Variants in MED12 observed in about 807,000 individuals in gnomAD.
The protein encoded by MED12 is mediator complex subunit 12.
A neutral mutation model predicts 177.7 loss-of-function variants in MED12; 10 were observed. The observed-to-expected ratio is 0.06, with a 90% confidence interval of 0.03 to 0.10. MED12 has a LOEUF of 0.10. MED12 is among the 10% of genes least tolerant of loss of function. The pLI is 1.00. For missense variants in MED12, 867 were observed against 1,780.8 expected (o/e 0.49, Z 9.23); for synonymous variants, 641 against 678.4 (o/e 0.94, Z 0.86).
At chrX:71,137,687 A>G (rs772822551) in intron 40 of MED12, 39 bp from the exon 41 acceptor site, 2 of 1,202,550 alleles carry the variant, frequency 1.7e-6, no homozygotes, top group African/African-American at 1.8e-5. Flanking sequence ...TGCTCTGCAT[A>G]CTCTCGGCCC....
At chrX:71,132,714 G>T (rs1451743264) in intron 31 of MED12, 131 bp from the exon 32 acceptor site, 27 of 841,568 alleles carry the variant, frequency 3.2e-5, no homozygotes, top group Non-Finnish European at 4.4e-5. Context: ...GGAGAATGAG[G>T]TTGGAAGTTG....
Position 71,132,115 on chromosome X carries a change from G to A in MED12, c.4162G>A (p.Glu1388Lys), listed in dbSNP as rs1163428030. 2 of 1,210,410 alleles carry A rather than the reference G, an allele frequency of 1.7e-6. No homozygotes were observed. The highest frequency in any genetic ancestry group is 2.2e-5 in the Admixed American group (1 of 46,031). ...GGAGAACATCGCCAAGGCCACAATC[G>A]AGGTTTTCCAACAGTCAGCAGAGAC... The part of the protein sequence containing the change: ...LLENIAKATI[E>K]VFQQSAETGS... Residue 1388 changes from glutamate to lysine, a missense_variant, in exon 30 of 45, where the codon GAG becomes AAG. By Grantham distance (56) the Glu-to-Lys change is moderately conservative. Around this residue, in one of 14 missense-constraint regions of MED12, gnomAD observed 46 missense variants for 71.7 expected, o/e 0.64. Transcript: ENST00000374080.
rs756908016 is a variant in MED12 at position 71,125,700 on chromosome X, C to G, written c.2409C>G (p.Asp803Glu). 6.0e-6 allele frequency: 7 copies of G among 1,174,649 alleles called. No homozygotes were observed. The highest frequency in any genetic ancestry group is 2.4e-4 in the Middle Eastern group (1 of 4,221). ...CTATTGTGCCTCTGAATCCTGGAGACCTGACATTCTTAGGTACCTCACAGT... is the reference window on the plus strand; with the variant it reads ...CTATTGTGCCTCTGAATCCTGGAGAGCTGACATTCTTAGGTACCTCACAGT... ...LAPIVPLNPGDLTFLGGEDGQ... is the reference protein window; with the variant it reads ...LAPIVPLNPGELTFLGGEDGQ... The change falls in exon 17 of 45, where the codon GAC becomes GAG. Residue 803 changes from aspartate (D) to glutamate (E), a missense_variant. This residue lies in a region of MED12 where 309 missense variants were observed against 556.3 expected (regional missense o/e 0.56). Coordinates refer to ENST00000374080, the MANE Select transcript of MED12 (RefSeq NM_005120.3).
In MED12 at chrX:71,141,333, C is replaced by T. The variant is rs1319238587; in HGVS notation, c.6371C>T (p.Ala2124Val). ...QQHQQQQQQQ[A>V]APPQPQPQSQ... ...CACCAGCAGCAACAGCAGCAACAGGCGGCTCCTCCCCAACCCCAGCCCCAG... is the reference window on the plus strand; with the variant it reads ...CACCAGCAGCAACAGCAGCAACAGGTGGCTCCTCCCCAACCCCAGCCCCAG... Residue 2124 changes from alanine (A) to valine (V), a missense_variant, in exon 43 of 45, where the codon GCG becomes GTG. This residue lies in a region of MED12 where 236 missense variants were observed against 345.2 expected (regional missense o/e 0.68). Coordinates refer to ENST00000374080, the MANE Select transcript of MED12 (RefSeq NM_005120.3). The T allele has an allele frequency of 5.2e-6, 6 of 1,148,729 alleles. No homozygotes were observed. Among genetic ancestry groups the T allele is most frequent in the Non-Finnish European group, 7.0e-6 (6 of 862,306 alleles). 94.7% of individuals were successfully genotyped at this position (1,148,729 alleles called of 1,213,427 possible). A position where few individuals can be genotyped will look rare whatever the true frequency, so the allele number is the denominator to read the frequency against.
At position 71,126,145 on chromosome X, in the gene MED12, C is replaced by G. The variant is rs1269805533; in HGVS notation, c.2532C>G (p.Val844=). The stretch of plus-strand genomic sequence containing the variant: ...TTTCACATTATGACCAACACCAGGT[C>G]ACGGCTCAGGTGTGGGCCTAAGCCC... ...QHLSHYDQHQ[V]TAQVSRNVLE... The change falls in exon 18 of 45, where the codon GTC becomes GTG. Residue 844 remains valine (V), a synonymous_variant. Transcript: ENST00000374080. The G allele has an allele frequency of 1.7e-6, 2 of 1,204,611 alleles. No individual in the cohort carries two copies. Among genetic ancestry groups the G allele is most frequent in the African/African-American group, 3.5e-5 (2 of 57,730 alleles).
chrX:71,122,710 A>C lies in MED12; in HGVS notation c.1349-28A>C, dbSNP rs1303358265. On this transcript the variant is annotated intron_variant, in intron 9 of 44. Transcript: ENST00000374080. ...CCAGAATGCACCGGGCCTCTGGTTC[A>C]GTCCCCTTTACCACTTTTCCTCCTT... is the stretch of plus-strand genomic sequence containing the variant. 3 of 1,209,826 alleles carry C rather than the reference A, an allele frequency of 2.5e-6. No homozygotes were observed. The African/African-American group carries it at 5.2e-5, about 21-fold the overall frequency.
rs368353373 is a variant in MED12, at chrX:71,123,725, G to T, written c.1744+5G>T. The stretch of plus-strand genomic sequence containing the variant: ...ATACACAGGCTCCCATGCTGAGTAC[G>T]GACCCCTACCACTCTCTAGTTACCT... On this transcript the variant is annotated splice_donor_5th_base_variant and intron_variant, in intron 12 of 44. Coordinates refer to ENST00000374080, the MANE Select transcript of MED12 (RefSeq NM_005120.3). 3 of 1,186,719 alleles carry T rather than the reference G, an allele frequency of 2.5e-6. No homozygotes were observed. The highest frequency in any genetic ancestry group is 3.4e-6 in the Non-Finnish European group (3 of 882,635).
rs763649926 is a variant in MED12 at position 71,128,868 on chromosome X, A to G, written c.3475+150A>G. 1.1e-4 allele frequency: 85 copies of G among 739,655 alleles called. 1 individual carries two copies. The South Asian group carries it at 1.9e-3, about 16-fold the overall frequency. The allele number at this position is 739,655 out of a possible 1,213,427, so 61.0% of individuals were successfully genotyped here. ...CCAGTCCTTTGGTATGCTGAAGGCT[A>G]GAAGAAACCTGTTTTTTAGCCCTGG... On this transcript the variant is annotated intron_variant, in intron 24 of 44. Transcript: ENST00000374080.
In MED12 at chrX:71,128,609, A is replaced by G. The variant is rs1423411962; in HGVS notation, c.3366A>G (p.Leu1122=). Residue 1122 remains leucine (L), a synonymous_variant, in exon 24 of 45, where the codon CTA becomes CTG. Transcript: ENST00000374080. ...GTTTTTTCCTCCAGGTCAGTGACCT[A>G]TCTTTTCATGACTCGCTGGCTACTT... ...DLLCNVDVSD[L]SFHDSLATFV... 3 of 1,211,207 alleles carry G rather than the reference A, an allele frequency of 2.5e-6. No individual in the cohort carries two copies. The highest frequency in any genetic ancestry group is 1.1e-6 in the Non-Finnish European group (1 of 895,447).
At chrX:71,119,070 G>A (rs867949754) in intron 1 of MED12, among the ~76,000 whole-genome samples, 11 of 109,894 alleles carry the variant, frequency 1.0e-4, no homozygotes, top group Admixed American at 1.9e-4. Flanking sequence ...CACCAGAGGC[G>A]CCCTCCTCCA....
Position 71,127,086 on chromosome X carries a change from G to A in MED12, c.2803G>A (p.Ala935Thr). ...CGTGGCTGTCCTGCGGCACTATCATGCCTGCCTCATCCTCAACCAGGACCA... is the reference window on the plus strand; with the variant it reads ...CGTGGCTGTCCTGCGGCACTATCATACCTGCCTCATCCTCAACCAGGACCA... ...CIVAVLRHYH[A>T]CLILNQDQMA... The change falls in exon 20 of 45, where the codon GCC (alanine) becomes ACC (threonine). Residue 935 changes from alanine (A) to threonine (T), a missense_variant. By Grantham distance (58) the Ala-to-Thr change is moderately conservative. This residue lies in a region of MED12 where 70 missense variants were observed against 143.6 expected (regional missense o/e 0.49). Transcript: ENST00000374080. 7 of 1,211,681 alleles carry A rather than the reference G, an allele frequency of 5.8e-6. No homozygotes were observed. The highest frequency in any genetic ancestry group is 6.7e-6 in the Non-Finnish European group (6 of 895,408).
rs868020528 is a variant in MED12, at chrX:71,121,702, C to T, written c.987C>T (p.Pro329=). 7.4e-6 allele frequency: 9 copies of T among 1,211,497 alleles called. No homozygotes were observed. In the Middle Eastern group the frequency reaches 1.4e-3, roughly 185 times the overall value. ...CTGCTCAGTCAACAAGCACGCTACCCACCACCCCTGCTCCTCAGCCCCCAA... is the reference window on the plus strand; with the variant it reads ...CTGCTCAGTCAACAAGCACGCTACCTACCACCCCTGCTCCTCAGCCCCCAA... The part of the protein sequence containing the change: ...VISAQSTSTL[P]TTPAPQPPTS... The change falls in exon 7 of 45, where the codon CCC becomes CCT. Residue 329 remains proline (P), a synonymous_variant. Coordinates refer to ENST00000374080, the MANE Select transcript of MED12 (RefSeq NM_005120.3).
rs1376854787 is a variant in MED12, at chrX:71,129,326, A to G, written c.3588A>G (p.Thr1196=). The G allele has an allele frequency of 8.3e-7, 1 of 1,204,734 alleles. No homozygotes were observed. The highest frequency in any genetic ancestry group is 1.1e-6 in the Non-Finnish European group (1 of 889,110). ...NPCQSDGNKP[T]VGIRSSCDRH... ...CATCGCCTTCCCCAGACAAGCCTACAGTAGGAATCCGCTCCTCCTGCGACC... is the reference window on the plus strand; with the variant it reads ...CATCGCCTTCCCCAGACAAGCCTACGGTAGGAATCCGCTCCTCCTGCGACC... Residue 1196 remains threonine, a synonymous_variant, in exon 26 of 45, where the codon ACA becomes ACG. Transcript: ENST00000374080.
Position 71,141,288 on chromosome X carries a change from A to C in MED12, c.6326A>C (p.Gln2109Pro), listed in dbSNP as rs755793630. Residue 2109 changes from glutamine to proline, a missense_variant, in exon 43 of 45, where the codon CAG (glutamine) becomes CCG (proline). Physicochemically the swap from Gln to Pro is moderately conservative, Grantham distance 76. Coordinates refer to ENST00000374080, the MANE Select transcript of MED12 (RefSeq NM_005120.3). ...CAGCAGCAACAGCAACAGCAGCAGC[A>C]GCAACAGCAACAACAGCAACACCAG... ...QQQQQQQQQQ[Q>P]QQQQQQHQQQ... is the part of the protein sequence containing the mutation. 1.2e-5 allele frequency: 14 copies of C among 1,165,772 alleles called. No homozygotes were observed. The Middle Eastern group carries it at 2.8e-3, about 233-fold the overall frequency.
At chrX:71,124,491 G>A in intron 13 of MED12, 103 bp downstream of exon 13, 1 of 644,434 alleles carries the variant, frequency 1.6e-6, no homozygotes, top group Non-Finnish European at 2.4e-6. Context: ...GAGGGGGGTA[G>A]TATTTTTCTT....
chrX:71,140,080 C>CTTT (rs746271800), intron 41 of MED12, among the ~76,000 whole-genome samples: 14 of 88,635 alleles, frequency 1.6e-4, no homozygotes, highest in African/African-American at 2.0e-4. Flanking sequence ...TCTTTTCTTT[C>CTTT]TTTTTTTTTT....
Position 71,118,861 on chromosome X carries a change from C to G in MED12, c.99+8C>G, listed in dbSNP as rs1242802199. 8.3e-7 allele frequency: 1 copy of G among 1,200,596 alleles called. No individual in the cohort carries two copies. The highest frequency in any genetic ancestry group is 1.1e-6 in the Non-Finnish European group (1 of 888,069). On this transcript the variant is annotated splice_region_variant and intron_variant, in intron 1 of 44. Transcript: ENST00000374080. ...GACCCCAAACAGAAGGAGGTGCGTTCGAAAATCGGGGCTCTGGAGGGGCCG... is the reference window on the plus strand; with the variant it reads ...GACCCCAAACAGAAGGAGGTGCGTTGGAAAATCGGGGCTCTGGAGGGGCCG...
rs2092302768 is a variant in MED12, at chrX:71,126,106, T to C, written c.2493T>C (p.Ala831=). ...EAFPTAEDIF[A]KFQHLSHYDQ... ...TCCCCACTGCTGAAGATATCTTTGC[T>C]AAGTTCCAGCACCTTTCACATTATG... The change falls in exon 18 of 45, where the codon GCT becomes GCC. Residue 831 remains alanine (A), a synonymous_variant. Coordinates refer to ENST00000374080, the MANE Select transcript of MED12 (RefSeq NM_005120.3). 2 of 1,209,894 alleles carry C rather than the reference T, an allele frequency of 1.7e-6. No individual in the cohort carries two copies. Among genetic ancestry groups the C allele is most frequent in the Non-Finnish European group, 1.1e-6 (1 of 894,888 alleles).
chrX:71,126,237 G>A, intron 18 of MED12, 83 bp downstream of exon 18: 2 of 1,159,393 alleles, frequency 1.7e-6, no homozygotes, highest in South Asian at 1.8e-5. Context: ...TCCCTGCTAG[G>A]CAGGCTAAGC....
Sources: allele counts gnomAD v4.1 joint callset (sites outside exome capture counted in the v4.1 genomes callset), GRCh38; gene constraint gnomAD v4.1.1; regional missense constraint gnomAD v4.1.1; transcripts MANE v1.5; gene names NCBI Gene and HGNC (gene_info 2026-07-23, HGNC 2026-07-21).